Variants in HDAC4 observed in about 807,000 individuals in gnomAD.
The protein encoded by HDAC4 is histone deacetylase A.
In HDAC4, 16 loss-of-function variants were observed where a neutral mutation model predicts 135.1. The observed-to-expected ratio is 0.12, with a 90% CI of 0.08 to 0.18. The LOEUF (loss-of-function observed/expected upper bound fraction) is 0.18. Ranked by LOEUF, HDAC4 falls within the 10% of genes least tolerant of loss-of-function variation. HDAC4 has a pLI of 1.00. For missense variants in HDAC4, 1,143 were observed against 1,511.8 expected, an observed-to-expected ratio of 0.76 and a Z score of 4.05; for synonymous variants, 685 against 653.4, an observed-to-expected ratio of 1.05 and a Z score of -0.74.
chr2:239,112,983 G>A (rs1237815711), intron 13 of HDAC4, among the ~76,000 whole-genome samples: 1 of 152,158 alleles, frequency 6.6e-6, no homozygotes, highest in African/African-American at 2.4e-5. Flanking sequence ...CCAGCACTTG[G>A]GGAGGCTGAG....
chr2:239,106,964 T>C (rs3791403), intron 15 of HDAC4, among the ~76,000 whole-genome samples: 108,108 of 151,872 alleles, frequency 0.71, 38,625 homozygotes, highest in South Asian at 0.86. Context: ...GGAGTGGACA[T>C]AGCAGGTCTC....
At chr2:239,386,952 G>C (rs1228991514) in intron 1 of HDAC4, among the ~76,000 whole-genome samples, 2 of 152,246 alleles carry the variant, frequency 1.3e-5, no homozygotes, top group African/African-American at 4.8e-5. Context: ...GTGAGTGGCT[G>C]TTCTGGGTTC....
intron 1 of HDAC4, among the ~76,000 whole-genome samples, chr2:239,374,614 A>G (rs13391938): frequency 0.35 from 52,995 of 150,328 alleles, 11,629 homozygotes; most frequent in East Asian, 0.69. Context: ...CGTTTTAGCC[A>G]GGATGGTCTC....
chr2:239,189,478 A>G (rs949665896), intron 4 of HDAC4, among the ~76,000 whole-genome samples: 2 of 152,358 alleles, frequency 1.3e-5, no homozygotes, highest in Admixed American at 1.3e-4. Flanking sequence ...AGATTTGTCA[A>G]TACACCTCCC....
intron 11 of HDAC4, among the ~76,000 whole-genome samples, chr2:239,130,323 C>T (rs1412802886): frequency 6.6e-6 from 1 of 152,136 alleles, no homozygotes; most frequent in Non-Finnish European, 1.5e-5. Context: ...CTTCCTGGGA[C>T]TCGCTGTTTT....
intron 2 of HDAC4, among the ~76,000 whole-genome samples, chr2:239,297,990 C>T (rs2052014972): frequency 6.6e-6 from 1 of 152,146 alleles, no homozygotes; most frequent in Non-Finnish European, 1.5e-5. Flanking sequence ...CCCTACATGG[C>T]CACCACTACT....
At chr2:239,082,800 C>T (rs563321887) in intron 20 of HDAC4, among the ~76,000 whole-genome samples, 1 of 152,360 alleles carries the variant, frequency 6.6e-6, no homozygotes, top group African/African-American at 2.4e-5. Flanking sequence ...TCACAAAACC[C>T]ACAGGTCAGA....
At chr2:239,199,519 C>T (rs906323257) in intron 3 of HDAC4, among the ~76,000 whole-genome samples, 9 of 149,776 alleles carry the variant, frequency 6.0e-5, no homozygotes, top group Admixed American at 5.5e-4. Context: ...TCGGTTTGCC[C>T]ATGTCTGAAA....
At chr2:239,233,526 C>T (rs897625151) in intron 3 of HDAC4, among the ~76,000 whole-genome samples, 5 of 151,826 alleles carry the variant, frequency 3.3e-5, no homozygotes, top group Non-Finnish European at 4.4e-5. Context: ...AAGAGATACT[C>T]AACCTGTATA....
rs549286317 is a variant in HDAC4, at chr2:239,393,105, G to T, written c.-220+7873C>A. Among the ~76,000 whole-genome samples the T allele has an allele frequency of 2.0e-5, 3 of 152,258 alleles. No individual in the cohort carries two copies. In the South Asian group the frequency reaches 6.2e-4, roughly 32 times the overall value. On this transcript the variant is annotated intron_variant, in intron 1 of 26. Transcript: ENST00000543185. Reference sequence around the variant, plus strand: ...GGATGCGGCCCGTCTCAGAGCCACAGGACTGGGACCCCCGGCGTGTGAGCC... The same window carrying T: ...GGATGCGGCCCGTCTCAGAGCCACATGACTGGGACCCCCGGCGTGTGAGCC...
rs201198735 is a variant in HDAC4, at chr2:239,136,975, A to AT, written c.979-2333dup. Among the ~76,000 whole-genome samples, 303 of 150,284 alleles carry AT rather than the reference A, an allele frequency of 2.0e-3. 1 individual carries two copies. The highest frequency in any genetic ancestry group is 7.8e-3 in the South Asian group (37 of 4,738). On this transcript the variant is annotated intron_variant, in intron 9 of 26. Transcript: ENST00000543185. ...CTGAGGAAAACATTTTTCCTAGGCA[A>AT]TTTTTTTTTTGTCAAAAGTTAAAGA...
intron 1 of HDAC4, among the ~76,000 whole-genome samples, chr2:239,358,903 A>T (rs892865090): frequency 2.6e-5 from 4 of 152,190 alleles, no homozygotes; most frequent in Non-Finnish European, 4.4e-5. Flanking sequence ...GCCTTACCGT[A>T]TCCAGGTAAG....
chr2:239,307,980 C>A lies in HDAC4; in HGVS notation c.22+44698G>T, dbSNP rs900286415. 2.6e-5 allele frequency among the ~76,000 whole-genome samples: 4 copies of A among 152,170 alleles called. No individual in the cohort carries two copies. Among genetic ancestry groups the A allele is most frequent in the African/African-American group, 9.7e-5 (4 of 41,432 alleles). On this transcript the variant is annotated intron_variant, in intron 2 of 26. Coordinates refer to ENST00000543185, the MANE Select transcript of HDAC4 (RefSeq NM_001378414.1). The surrounding 1 kb of genome is among the most constrained non-coding windows in gnomAD (Gnocchi z 4.8). The stretch of plus-strand genomic sequence containing the variant: ...CAGCCAGCAAAGTGTCCCCATCCCC[C>A]CCAAAGTGAGCGGCCACACAGCAAT...
intron 1 of HDAC4, among the ~76,000 whole-genome samples, chr2:239,369,077 G>T (rs532202957): frequency 6.6e-6 from 1 of 152,270 alleles, no homozygotes; most frequent in South Asian, 2.1e-4. Context: ...ACAGGCAGTG[G>T]ACAGGCTCGC....
chr2:239,182,969 G>A (rs188645112), intron 4 of HDAC4, among the ~76,000 whole-genome samples: 21 of 152,304 alleles, frequency 1.4e-4, no homozygotes, highest in African/African-American at 1.9e-4. Flanking sequence ...TTTGAGATGC[G>A]CTTATTTTTA....
intron 2 of HDAC4, among the ~76,000 whole-genome samples, chr2:239,302,477 A>T (rs1404100535): frequency 6.6e-6 from 1 of 152,266 alleles, no homozygotes; most frequent in Admixed American, 6.5e-5. Context: ...ATCAAAACTC[A>T]GATAAGTTAG....
At chr2:239,246,773 G>A (rs1218309802) in intron 2 of HDAC4, among the ~76,000 whole-genome samples, 3 of 152,346 alleles carry the variant, frequency 2.0e-5, no homozygotes, top group African/African-American at 4.8e-5. Context: ...CAGCTGAAGC[G>A]TTCATAAGTG....
Position 239,285,444 on chromosome 2 carries a change from G to A in HDAC4, c.23-48780C>T, listed in dbSNP as rs971686402. On this transcript the variant is annotated intron_variant, in intron 2 of 26. Transcript: ENST00000543185. This position sits in a 1 kb window ranked among gnomAD's most constrained non-coding sequence, Gnocchi z 4.5. ...GGGGTTCCACCGAGGCTGGGGCTTC[G>A]CTAGTGTGCGGGGAGGCAGAGGAGC... Among the ~76,000 whole-genome samples, 3 of 152,200 alleles carry A rather than the reference G, an allele frequency of 2.0e-5. No individual in the cohort carries two copies. The highest frequency in any genetic ancestry group is 6.5e-5 in the Admixed American group (1 of 15,284).
At chr2:239,379,185 C>T (rs899811336) in intron 1 of HDAC4, among the ~76,000 whole-genome samples, 8 of 152,118 alleles carry the variant, frequency 5.3e-5, no homozygotes, top group African/African-American at 1.9e-4. Flanking sequence ...AGCTGTTCCT[C>T]GGAGGACAGA....
Sources: allele counts gnomAD v4.1 joint callset (sites outside exome capture counted in the v4.1 genomes callset), GRCh38; gene constraint gnomAD v4.1.1; non-coding constraint Gnocchi (gnomAD v3.1); transcripts MANE v1.5; gene names NCBI Gene and HGNC (gene_info 2026-07-23, HGNC 2026-07-21).